NEXMIF: variants seen among roughly 807,000 people sequenced by gnomAD.
NEXMIF encodes the protein neurite extension and migration factor, also known as XLMR protein related to neurite extension.
A neutral mutation model predicts 62.1 loss-of-function variants in NEXMIF; 8 were observed. The observed-to-expected ratio is 0.13, with a 90% CI of 0.08 to 0.23. NEXMIF has a LOEUF of 0.23. NEXMIF is among the 10% of genes least tolerant of loss of function. The pLI is 1.00. For synonymous variants in NEXMIF, 404 were observed against 416.6 expected, an observed-to-expected ratio of 0.97 and a Z score of 0.37; for missense variants, 976 against 1,113.3, an observed-to-expected ratio of 0.88 and a Z score of 1.75.
chrX:74,866,535 G>A (rs1160199351), intron 1 of NEXMIF, among the ~76,000 whole-genome samples: 4 of 112,239 alleles, frequency 3.6e-5, no homozygotes, highest in African/African-American at 9.7e-5. Flanking sequence ...GTTTCAAAAT[G>A]TGAGAACATG....
Position 74,743,630 on chromosome X carries a change from G to T in NEXMIF, c.927C>A (p.Ser309=), listed in dbSNP as rs767684039. The change falls in exon 3 of 4, where the codon TCC becomes TCA. Residue 309 remains serine (S), a synonymous_variant. Transcript: ENST00000055682. ...DESTLGSDVC[S]LKIRYESFQD... ...GAAAGGATTCATATCGAATTTTCAG[G>T]GAGCAGACATCACTGCCTAGTGTTG... The T allele has an allele frequency of 1.7e-6, 2 of 1,211,439 alleles. No homozygotes were observed. The highest frequency in any genetic ancestry group is 2.2e-6 in the Non-Finnish European group (2 of 895,241).
intron 1 of NEXMIF, among the ~76,000 whole-genome samples, chrX:74,921,121 C>T (rs1046418373): frequency 9.0e-6 from 1 of 111,391 alleles, no homozygotes; most frequent in African/African-American, 3.3e-5. Flanking sequence ...TTCTTTTCCA[C>T]CAGAGAAGAT....
At chrX:74,885,153 A>G (rs745825778) in intron 1 of NEXMIF, among the ~76,000 whole-genome samples, 190 of 111,158 alleles carry the variant, frequency 1.7e-3, no homozygotes, top group South Asian at 3.2e-3. Flanking sequence ...AGCAGTGTGT[A>G]GAGGGAAATT....
At chrX:74,760,482 G>A (rs1257638588) in intron 1 of NEXMIF, among the ~76,000 whole-genome samples, 3 of 112,135 alleles carry the variant, frequency 2.7e-5, no homozygotes, top group East Asian at 2.8e-4. Flanking sequence ...CAATGGAAAT[G>A]CTTCCAGCTT....
At chrX:74,875,095 GT>G (rs1386793712) in intron 1 of NEXMIF, among the ~76,000 whole-genome samples, 1 of 111,688 alleles carries the variant, frequency 9.0e-6, no homozygotes, top group Non-Finnish European at 1.9e-5. Context: ...AATGCTTCCA[GT>G]TTTTGTCCCT....
At chrX:74,821,906 C>T (rs921006944) in intron 1 of NEXMIF, among the ~76,000 whole-genome samples, 2 of 111,208 alleles carry the variant, frequency 1.8e-5, no homozygotes, top group African/African-American at 6.5e-5. Flanking sequence ...TGCACCACCA[C>T]GCTCGGCTAA....
At chrX:74,916,970 T>G (rs1602277213) in intron 1 of NEXMIF, among the ~76,000 whole-genome samples, 1 of 111,994 alleles carries the variant, frequency 8.9e-6, no homozygotes, top group East Asian at 2.8e-4. Context: ...GAATCAGTAA[T>G]TATCATTAAT....
At chrX:74,768,598 C>G (rs1249061570) in intron 1 of NEXMIF, among the ~76,000 whole-genome samples, 1 of 111,853 alleles carries the variant, frequency 8.9e-6, no homozygotes, top group African/African-American at 3.3e-5. Flanking sequence ...ATAGATTTGT[C>G]CAAAGATGAA....
intron 1 of NEXMIF, among the ~76,000 whole-genome samples, chrX:74,820,785 T>C (rs1410513028): frequency 9.0e-6 from 1 of 111,477 alleles, no homozygotes; most frequent in Non-Finnish European, 1.9e-5. Flanking sequence ...CAAAACCAAA[T>C]ACCACATATT....
chrX:74,808,139 C>G (rs1258541213), intron 1 of NEXMIF, among the ~76,000 whole-genome samples: 1 of 111,487 alleles, frequency 9.0e-6, no homozygotes, highest in Non-Finnish European at 1.9e-5. Context: ...TGCAGTGGCT[C>G]ATACCTGTAA....
rs1352465402 is a variant in NEXMIF at position 74,907,427 on chromosome X, T to A, written c.-48+17456A>T. Among the ~76,000 whole-genome samples, 3 of 101,693 alleles carry A rather than the reference T, an allele frequency of 3.0e-5. No homozygotes were observed. In the Admixed American group the frequency reaches 3.4e-4, roughly 12 times the overall value. The allele number at this position is 101,693 out of a possible 115,157, so 88.3% of individuals were successfully genotyped here. A position where few individuals can be genotyped will look rare whatever the true frequency, so the allele number is the denominator to read the frequency against. On this transcript the variant is annotated intron_variant, in intron 1 of 3. Coordinates refer to ENST00000055682, the MANE Select transcript of NEXMIF (RefSeq NM_001008537.3). ...CATGGCCTGGGCCTGTAATCATCACTCTGTACCTGATAGAGAGTGTAGTTG... is the reference window on the plus strand; with the variant it reads ...CATGGCCTGGGCCTGTAATCATCACACTGTACCTGATAGAGAGTGTAGTTG...
At chrX:74,881,637 AC>A (rs1159257945) in intron 1 of NEXMIF, among the ~76,000 whole-genome samples, 2 of 111,475 alleles carry the variant, frequency 1.8e-5, no homozygotes, top group African/African-American at 3.3e-5. Flanking sequence ...AGCCAGTAGC[AC>A]CCCCCAACCC....
At chrX:74,831,929 G>C (rs2080439082) in intron 1 of NEXMIF, among the ~76,000 whole-genome samples, 1 of 112,264 alleles carries the variant, frequency 8.9e-6, no homozygotes, top group East Asian at 2.8e-4. Flanking sequence ...ATTTGTGTAT[G>C]CTGTACCATC....
At chrX:74,913,596 G>C (rs2080797765) in intron 1 of NEXMIF, among the ~76,000 whole-genome samples, 1 of 108,682 alleles carries the variant, frequency 9.2e-6, no homozygotes, top group Admixed American at 9.9e-5. Flanking sequence ...ATTTTGCCAA[G>C]GCACATCATA....
chrX:74,912,986 A>T (rs1210399494), intron 1 of NEXMIF, among the ~76,000 whole-genome samples: 3 of 112,086 alleles, frequency 2.7e-5, no homozygotes, highest in Non-Finnish European at 5.6e-5. Flanking sequence ...AGAAAGCCAG[A>T]TAAAACAGAA....
chrX:74,807,074 C>T (rs2080347101), intron 1 of NEXMIF, among the ~76,000 whole-genome samples: 1 of 112,307 alleles, frequency 8.9e-6, no homozygotes, highest in African/African-American at 3.2e-5. Flanking sequence ...TTGATATCCA[C>T]AAAATAACTT....
chrX:74,766,362 A>G (rs2080194937), intron 1 of NEXMIF, among the ~76,000 whole-genome samples: 1 of 112,257 alleles, frequency 8.9e-6, no homozygotes. Context: ...CCTTCCTTTC[A>G]GAAATGCCAA....
intron 1 of NEXMIF, among the ~76,000 whole-genome samples, chrX:74,906,120 T>A (rs187830245): frequency 0.02 from 2,202 of 108,631 alleles, 64 homozygotes; most frequent in African/African-American, 0.07. Flanking sequence ...ATTTTTTTTT[T>A]AAATTAGCCA....
chrX:74,789,083 C>A (rs2147462722), intron 1 of NEXMIF, among the ~76,000 whole-genome samples: 1 of 105,746 alleles, frequency 9.5e-6, no homozygotes, highest in African/African-American at 3.5e-5. Context: ...CCCACTAACT[C>A]ATCATCTAGC....
Sources: gnomAD v4.1 joint callset for allele counts (sites outside exome capture counted in the v4.1 genomes callset) on GRCh38, gnomAD v4.1.1 for gene constraint, MANE v1.5 for transcripts, NCBI Gene and HGNC (gene_info 2026-07-23, HGNC 2026-07-21) for gene names.